The following NRXN3 variants were observed in gnomAD, a reference collection of about 807,000 sequenced individuals.
NRXN3 encodes the protein neurexin III.
NRXN3 carries 32 observed loss-of-function variants against 137.6 expected under a neutral mutation model. The ratio of observed to expected loss-of-function variants is 0.23; its 90% confidence interval spans 0.18 to 0.31. The LOEUF is 0.31. Ranked by LOEUF, NRXN3 falls within the 10% of genes least tolerant of loss-of-function variation. NRXN3 has a pLI of 1.00. For synonymous variants in NRXN3, 798 were observed against 784.5 expected, an observed-to-expected ratio of 1.02 and a Z score of -0.29; for missense variants, 1,574 against 2,062.5, an observed-to-expected ratio of 0.76 and a Z score of 4.59.
chr14:78,715,205 T>TG (rs2098425796), intron 8 of NRXN3, 66 bp downstream of exon 8: 1 of 1,555,986 alleles, frequency 6.4e-7, no homozygotes, highest in African/African-American at 1.3e-5. Context: ...GTTGGATCCC[T>TG]GGGCAGCCCA....
At chr14:78,877,096 G>A (rs2099115686) in intron 10 of NRXN3, among the ~76,000 whole-genome samples, 2 of 152,150 alleles carry the variant, frequency 1.3e-5, no homozygotes, top group Admixed American at 1.3e-4. Flanking sequence ...AGTGCAATTT[G>A]TACTCGATAT....
chr14:78,561,447 G>C (rs576731174), intron 4 of NRXN3, among the ~76,000 whole-genome samples: 26 of 152,150 alleles, frequency 1.7e-4, no homozygotes, highest in Non-Finnish European at 3.2e-4. Flanking sequence ...TGCCCTTGAA[G>C]AGAAGAGACC....
intron 15 of NRXN3, among the ~76,000 whole-genome samples, chr14:78,990,066 TG>T (rs1475824780): frequency 6.6e-6 from 1 of 151,838 alleles, no homozygotes; most frequent in Non-Finnish European, 1.5e-5. Flanking sequence ...CTGTCTGACT[TG>T]GGGAATTTGT....
intron 10 of NRXN3, among the ~76,000 whole-genome samples, chr14:78,813,688 A>T (rs61992257): frequency 6.6e-6 from 1 of 151,998 alleles, no homozygotes; most frequent in East Asian, 1.9e-4. Context: ...CTGCTATAAA[A>T]TGTTGTTTGT....
At chr14:79,709,248 A>G (rs1033413142) in intron 19 of NRXN3, among the ~76,000 whole-genome samples, 5 of 152,172 alleles carry the variant, frequency 3.3e-5, no homozygotes, top group Admixed American at 6.5e-5. Flanking sequence ...TTGCTGAGTA[A>G]TCATGGTATC....
chr14:78,981,002 CAAT>C (rs2099487981), intron 14 of NRXN3, among the ~76,000 whole-genome samples: 1 of 151,884 alleles, frequency 6.6e-6, no homozygotes, highest in Non-Finnish European at 1.5e-5. Flanking sequence ...TTAATAATGA[CAAT>C]GATAAAAAAA....
intron 15 of NRXN3, among the ~76,000 whole-genome samples, chr14:79,059,761 A>G (rs1232829582): frequency 1.3e-5 from 2 of 152,200 alleles, no homozygotes; most frequent in African/African-American, 4.8e-5. Flanking sequence ...CCCCAACTGG[A>G]TGGTAGATGA....
At chr14:79,425,888 A>G (rs2095648207) in intron 15 of NRXN3, among the ~76,000 whole-genome samples, 2 of 152,136 alleles carry the variant, frequency 1.3e-5, no homozygotes, top group Non-Finnish European at 2.9e-5. Flanking sequence ...CATCATTTCC[A>G]GGCTACTTGT....
intron 4 of NRXN3, among the ~76,000 whole-genome samples, chr14:78,551,714 C>T (rs1238508153): frequency 2.0e-5 from 3 of 150,434 alleles, no homozygotes; most frequent in East Asian, 2.0e-4. Context: ...CTCCTTCCCT[C>T]CTTCCACTTC....
chr14:78,387,082 A>G (rs2090081560), intron 4 of NRXN3, among the ~76,000 whole-genome samples: 1 of 152,042 alleles, frequency 6.6e-6, no homozygotes, highest in African/African-American at 2.4e-5. Context: ...CACCCGGCCT[A>G]TACTTAATAT....
chr14:78,603,607 A>G (rs1455150390), intron 4 of NRXN3, among the ~76,000 whole-genome samples: 7 of 152,226 alleles, frequency 4.6e-5, no homozygotes, highest in Non-Finnish European at 1.0e-4. Context: ...AAACAGTTAT[A>G]ATTAGAAATT....
At chr14:79,067,880 A>G (rs2099682745) in intron 15 of NRXN3, among the ~76,000 whole-genome samples, 1 of 152,054 alleles carries the variant, frequency 6.6e-6, no homozygotes, top group Admixed American at 6.6e-5. Flanking sequence ...CTTAACATGA[A>G]GTGATAAAAA....
At chr14:79,758,036 A>C (rs1356172994) in intron 19 of NRXN3, among the ~76,000 whole-genome samples, 2 of 152,160 alleles carry the variant, frequency 1.3e-5, no homozygotes, top group Non-Finnish European at 2.9e-5. Context: ...ACTGACCTTA[A>C]GGGAATTTGC....
chr14:78,253,708 T>C (rs1265255949), intron 2 of NRXN3, among the ~76,000 whole-genome samples: 1 of 151,964 alleles, frequency 6.6e-6, no homozygotes, highest in African/African-American at 2.4e-5. Flanking sequence ...CATGGGATAA[T>C]AAGTTTAAAG....
intron 4 of NRXN3, chr14:78,614,929 G>A (rs531094241): frequency 2.2e-6 from 1 of 456,638 alleles, no homozygotes; most frequent in Admixed American, 2.3e-5. Context: ...GCATGACTAA[G>A]CCTTCTTCAG....
At chr14:79,426,160 C>T (rs184729744) in intron 15 of NRXN3, among the ~76,000 whole-genome samples, 1 of 152,196 alleles carries the variant, frequency 6.6e-6, no homozygotes, top group African/African-American at 2.4e-5. Context: ...GTCCTTGCTC[C>T]AAAATGACAA....
rs200911318 is a variant in NRXN3 at position 79,621,125 on chromosome 14, T to G, written c.3445-42653T>G. ...ATTAGTTTCCTTGTCTGCATAACAA[T>G]AATAGTTATTATGAGGTATTTTTGT... On this transcript the variant is annotated intron_variant, in intron 16 of 20. Transcript: ENST00000335750. Among the ~76,000 whole-genome samples the G allele has an allele frequency of 2.0e-5, 3 of 152,296 alleles. No homozygotes were observed. In the East Asian group the frequency reaches 5.8e-4, roughly 29 times the overall value.
chr14:79,598,198 G>T (rs183761791), intron 16 of NRXN3, among the ~76,000 whole-genome samples: 2 of 152,174 alleles, frequency 1.3e-5, no homozygotes, highest in African/African-American at 4.8e-5. Context: ...ACTCACTATC[G>T]TCTTTGCAGT....
intron 6 of NRXN3, among the ~76,000 whole-genome samples, chr14:78,673,478 C>T (rs1174689210): frequency 6.6e-6 from 1 of 152,190 alleles, no homozygotes; most frequent in Non-Finnish European, 1.5e-5. Flanking sequence ...TATATGGTTC[C>T]AAAACACATG....
Sources: allele counts gnomAD v4.1 joint callset (sites outside exome capture counted in the v4.1 genomes callset), GRCh38; gene constraint gnomAD v4.1.1; transcripts MANE v1.5; gene names NCBI Gene and HGNC (gene_info 2026-07-23, HGNC 2026-07-21).